Variants in NPAS3 observed in about 807,000 individuals in gnomAD.
NPAS3 encodes neuronal PAS domain-containing protein 3.
A neutral mutation model predicts 73.1 loss-of-function variants in NPAS3; 14 were observed. The observed-to-expected ratio is 0.19, with a 90% CI of 0.13 to 0.30. The LOEUF (loss-of-function observed/expected upper bound fraction) is 0.30, where lower values mean the gene tolerates loss of function less well. Among genes scored for constraint, NPAS3 ranks in the 10% least tolerant of loss-of-function variants. NPAS3 has a pLI of 1.00. For synonymous variants in NPAS3, 620 were observed against 541.5 expected, an observed-to-expected ratio of 1.14 and a Z score of -2.01; for missense variants, 1,096 against 1,250.0, an observed-to-expected ratio of 0.88 and a Z score of 1.86.
chr14:33,672,306 A>G (rs1405026162), intron 5 of NPAS3, among the ~76,000 whole-genome samples: 5 of 152,240 alleles, frequency 3.3e-5, no homozygotes, highest in African/African-American at 9.6e-5. Flanking sequence ...AAATAATGTT[A>G]TTATTACAAT....
At chr14:33,343,651 C>T (rs1054225370) in intron 3 of NPAS3, among the ~76,000 whole-genome samples, 7 of 152,184 alleles carry the variant, frequency 4.6e-5, no homozygotes, top group African/African-American at 1.7e-4. Context: ...AGGGGGACAT[C>T]TTGATATTTG....
At chr14:33,339,142 G>A (rs1294796427) in intron 3 of NPAS3, among the ~76,000 whole-genome samples, 5 of 152,112 alleles carry the variant, frequency 3.3e-5, no homozygotes, top group Admixed American at 3.3e-4. Context: ...ATGCCATAAA[G>A]TTTTCTGTTA....
chr14:33,051,045 C>T (rs931539312), intron 1 of NPAS3, among the ~76,000 whole-genome samples: 2 of 151,670 alleles, frequency 1.3e-5, no homozygotes, highest in Non-Finnish European at 1.5e-5. Context: ...GAGGCCGAGG[C>T]GGGTGGATCA....
At chr14:33,281,836 G>T (rs565124864) in intron 3 of NPAS3, among the ~76,000 whole-genome samples, 1 of 152,114 alleles carries the variant, frequency 6.6e-6, no homozygotes, top group South Asian at 2.1e-4. Context: ...AGTAGTATGC[G>T]TTGGCCACAG....
At chr14:33,498,709 A>AGGGGT (rs1157339246) in intron 4 of NPAS3, among the ~76,000 whole-genome samples, 7 of 104,116 alleles carry the variant, frequency 6.7e-5, no homozygotes, top group East Asian at 3.2e-4. Flanking sequence ...GGGCTAGGGA[A>AGGGGT]GGGGTTAGGA....
At chr14:33,429,673 C>T (rs764307023) in intron 4 of NPAS3, among the ~76,000 whole-genome samples, 30 of 152,032 alleles carry the variant, frequency 2.0e-4, no homozygotes, top group Admixed American at 1.8e-3. Flanking sequence ...CCCAGAAGCA[C>T]CATATTTATG....
chr14:33,761,111 G>T (rs1405015945), intron 7 of NPAS3, among the ~76,000 whole-genome samples: 1 of 152,216 alleles, frequency 6.6e-6, no homozygotes, highest in African/African-American at 2.4e-5. Flanking sequence ...ACTATGGACA[G>T]AACGTGTACT....
intron 4 of NPAS3, among the ~76,000 whole-genome samples, chr14:33,493,074 C>T (rs550604083): frequency 5.3e-5 from 8 of 152,224 alleles, no homozygotes; most frequent in African/African-American, 9.6e-5. Flanking sequence ...ATTCTCACTG[C>T]GTGAGCTTTG....
At chr14:33,558,515 T>A (rs2055473261) in intron 4 of NPAS3, among the ~76,000 whole-genome samples, 1 of 152,106 alleles carries the variant, frequency 6.6e-6, no homozygotes, top group Admixed American at 6.5e-5. Context: ...CAACCTTGGC[T>A]TCCCAAAGTG....
intron 3 of NPAS3, among the ~76,000 whole-genome samples, chr14:33,264,071 A>G (rs1208257143): frequency 6.6e-6 from 1 of 152,204 alleles, no homozygotes; most frequent in Non-Finnish European, 1.5e-5. Flanking sequence ...GCACATATGC[A>G]CCATGGAATA....
intron 9 of NPAS3, among the ~76,000 whole-genome samples, chr14:33,787,544 A>C (rs1319475970): frequency 6.6e-6 from 1 of 151,664 alleles, no homozygotes; most frequent in Non-Finnish European, 1.5e-5. Flanking sequence ...CATAACTCAC[A>C]GTAAGTATCA....
intron 5 of NPAS3, among the ~76,000 whole-genome samples, chr14:33,653,331 T>C (rs895961494): frequency 6.6e-6 from 1 of 152,206 alleles, no homozygotes; most frequent in Admixed American, 6.5e-5. Flanking sequence ...AAATTTCCCA[T>C]TGCCTTTAAA....
At chr14:33,493,497 C>T (rs1246048617) in intron 4 of NPAS3, among the ~76,000 whole-genome samples, 1 of 152,070 alleles carries the variant, frequency 6.6e-6, no homozygotes, top group Non-Finnish European at 1.5e-5. Flanking sequence ...TCTCACCGAT[C>T]TTCCTGTGTG....
intron 1 of NPAS3, among the ~76,000 whole-genome samples, chr14:32,978,594 T>A (rs529370768): frequency 4.6e-5 from 7 of 152,128 alleles, no homozygotes; most frequent in Non-Finnish European, 1.0e-4. Flanking sequence ...TGGAGGAAAC[T>A]GGGTCTCTGT....
At chr14:33,139,031 A>G (rs8011345) in intron 2 of NPAS3, among the ~76,000 whole-genome samples, 56,993 of 151,946 alleles carry the variant, frequency 0.38, 10,875 homozygotes, top group African/African-American at 0.42. Flanking sequence ...CATGATAGAG[A>G]TTTTCTCTTC....
intron 4 of NPAS3, among the ~76,000 whole-genome samples, chr14:33,430,146 T>C (rs2048723374): frequency 6.6e-6 from 1 of 152,162 alleles, no homozygotes; most frequent in Non-Finnish European, 1.5e-5. Context: ...AAGGTGCTTG[T>C]TGTTGCTCTT....
chr14:33,678,895 G>A (rs1460486628), intron 6 of NPAS3, among the ~76,000 whole-genome samples: 1 of 152,122 alleles, frequency 6.6e-6, no homozygotes, highest in Non-Finnish European at 1.5e-5. Context: ...GCCCTAGCAT[G>A]CATAAAATAA....
intron 3 of NPAS3, among the ~76,000 whole-genome samples, chr14:33,262,074 C>A (rs2048995233): frequency 6.6e-6 from 1 of 152,124 alleles, no homozygotes; most frequent in African/African-American, 2.4e-5. Context: ...TGTTTTAAGC[C>A]TGATGTATTC....
chr14:32,962,635 G>C (rs371150538), intron 1 of NPAS3, among the ~76,000 whole-genome samples: 1 of 138,596 alleles, frequency 7.2e-6, no homozygotes, highest in Admixed American at 7.6e-5. Flanking sequence ...GCAGTGGTGC[G>C]ATCTTGGCTC....
Sources: allele counts gnomAD v4.1 joint callset (sites outside exome capture counted in the v4.1 genomes callset), GRCh38; gene constraint gnomAD v4.1.1; transcripts MANE v1.5; gene names NCBI Gene and HGNC (gene_info 2026-07-23, HGNC 2026-07-21).